The following MUC13 variants were observed in gnomAD, a reference collection of about 807,000 sequenced individuals.
MUC13 encodes mucin 13, cell surface associated.
Under a neutral mutation model 48.3 loss-of-function variants are expected in MUC13, and 32 were observed. The observed-to-expected ratio is 0.66, with a 90% CI of 0.50 to 0.89. The LOEUF is 0.89. Ranked by LOEUF, MUC13 falls within the 40% of genes least tolerant of loss-of-function variation. The pLI, the probability that MUC13 is intolerant of heterozygous loss-of-function variation, is 0.00. For synonymous variants in MUC13, 199 were observed against 224.9 expected (o/e 0.88, Z 1.03); for missense variants, 571 against 622.8 (o/e 0.92, Z 0.88).
At chr3:124,912,649 T>C (rs1935442003) in intron 8 of MUC13, among the ~76,000 whole-genome samples, 2 of 152,246 alleles carry the variant, frequency 1.3e-5, no homozygotes, top group Middle Eastern at 3.4e-3. Context: ...TCAAAAACTA[T>C]TGATGATGCT....
At chr3:124,933,502 G>T (rs1180509732) in intron 1 of MUC13, among the ~76,000 whole-genome samples, 1 of 152,074 alleles carries the variant, frequency 6.6e-6, no homozygotes, top group Non-Finnish European at 1.5e-5. Context: ...CCTTCATCAA[G>T]ATAAGGACTG....
chr3:124,931,833 A>G (rs1033543112), intron 1 of MUC13, among the ~76,000 whole-genome samples: 1 of 151,780 alleles, frequency 6.6e-6, no homozygotes, highest in African/African-American at 2.4e-5. Context: ...TCATGAGGTC[A>G]GGAGTTCGAG....
At chr3:124,916,777 A>T (rs1037386108) in intron 5 of MUC13, among the ~76,000 whole-genome samples, 4 of 152,210 alleles carry the variant, frequency 2.6e-5, no homozygotes, top group Non-Finnish European at 4.4e-5. Context: ...CATTTTAAGG[A>T]TCTAGGAGCC....
At chr3:124,925,741 G>C (rs12495703) in intron 2 of MUC13, among the ~76,000 whole-genome samples, 18,672 of 152,130 alleles carry the variant, frequency 0.12, 1,404 homozygotes, top group South Asian at 0.19. Context: ...AGCCTCCTGA[G>C]TAGCTGAGAC....
chr3:124,926,194 C>A (rs1935684515), intron 2 of MUC13, among the ~76,000 whole-genome samples: 2 of 152,174 alleles, frequency 1.3e-5, no homozygotes, highest in Non-Finnish European at 2.9e-5. Flanking sequence ...TAACTTGTTT[C>A]ATGGCCAGGA....
intron 6 of MUC13, among the ~76,000 whole-genome samples, chr3:124,915,317 C>T (rs558310843): frequency 2.4e-4 from 36 of 152,274 alleles, no homozygotes; most frequent in African/African-American, 8.4e-4. Flanking sequence ...CTTGGTAATG[C>T]GAATTGCTTT....
At chr3:124,934,073 G>A (rs180737300) in intron 1 of MUC13, among the ~76,000 whole-genome samples, 45 of 152,276 alleles carry the variant, frequency 3.0e-4, no homozygotes, top group African/African-American at 1.1e-3. Flanking sequence ...AGAGAACTGG[G>A]TCCTTGCAAC....
chr3:124,908,071 A>G (rs1348572982), intron 11 of MUC13, 76 bp downstream of exon 11: 1 of 1,417,038 alleles, frequency 7.1e-7, no homozygotes, highest in Non-Finnish European at 9.7e-7. Context: ...CAAGGATTGA[A>G]GATTCAGCAA....
At chr3:124,926,599 C>T (rs561736813) in intron 2 of MUC13, among the ~76,000 whole-genome samples, 1 of 152,274 alleles carries the variant, frequency 6.6e-6, no homozygotes, top group Admixed American at 6.5e-5. Context: ...AGGGAGACAT[C>T]CACTTGATCT....
intron 8 of MUC13, among the ~76,000 whole-genome samples, chr3:124,912,743 C>T (rs1478995298): frequency 6.6e-6 from 1 of 151,990 alleles, no homozygotes; most frequent in African/African-American, 2.4e-5. Flanking sequence ...CAAGACCAGC[C>T]TGGCCAAGAT....
chr3:124,909,153 CAA>C (rs111883732), intron 10 of MUC13, among the ~76,000 whole-genome samples: 1 of 137,412 alleles, frequency 7.3e-6, no homozygotes, highest in Admixed American at 7.3e-5. Context: ...GACTCTGTCT[CAA>C]AAAAAAAAAG....
chr3:124,908,768 A>G (rs1275613370), intron 10 of MUC13, among the ~76,000 whole-genome samples: 1 of 152,260 alleles, frequency 6.6e-6, no homozygotes, highest in East Asian at 1.9e-4. Flanking sequence ...TGCTCATAAT[A>G]TTAGAAAATA....
At chr3:124,920,969 C>T (rs796638647) in intron 4 of MUC13, among the ~76,000 whole-genome samples, 5 of 152,346 alleles carry the variant, frequency 3.3e-5, no homozygotes, top group Non-Finnish European at 7.3e-5. Flanking sequence ...CCTATCCTAG[C>T]GTTGTCACGT....
intron 3 of MUC13, 136 bp downstream of exon 3, chr3:124,923,391 T>G: frequency 1.1e-6 from 1 of 876,742 alleles, no homozygotes; most frequent in Non-Finnish European, 1.7e-6. Context: ...TTTCTCTACT[T>G]TGCTGGCCTT....
intron 3 of MUC13, among the ~76,000 whole-genome samples, chr3:124,923,102 G>GAA (rs60674640): frequency 0.72 from 101,226 of 141,488 alleles, 36,830 homozygotes; most frequent in East Asian, 0.81. Context: ...TCATAAAACA[G>GAA]AAAAAAAAAA....
Position 124,927,386 on chromosome 3 carries a change from C to T in MUC13, c.514+146G>A, listed in dbSNP as rs191720906. 3.4e-3 allele frequency: 2,408 copies of T among 716,026 alleles called. 49 individuals carry two copies. The African/African-American group carries it at 0.038, about 11-fold the overall frequency. 44.4% of individuals were successfully genotyped at this position (716,026 alleles called of 1,614,324 possible). On this transcript the variant is annotated intron_variant, in intron 2 of 11. Transcript: ENST00000616727. Reference sequence around the variant, plus strand: ...GGCCTCTGCTGTCACTACATTGTGACACAGATTTCAAGCCCACAGTTCATT... The same window carrying T: ...GGCCTCTGCTGTCACTACATTGTGATACAGATTTCAAGCCCACAGTTCATT...
In MUC13 at chr3:124,913,174, C is replaced by G; in HGVS notation, c.1151G>C (p.Gly384Ala). 1.2e-6 allele frequency: 2 copies of G among 1,614,132 alleles called. No homozygotes were observed. Among genetic ancestry groups the G allele is most frequent in the South Asian group, 1.1e-5 (1 of 91,068 alleles). ...CACGCACGCACACTCAGGGGCCCCA[C>G]CACTCTTCTTTATTAAGCATTGCTT... The part of the protein sequence containing the change: ...QHKQCLIKKS[G>A]GAPECACVPG... The change falls in exon 8 of 12, where the codon GGT (glycine) becomes GCT (alanine). Residue 384 changes from glycine to alanine, a missense_variant. Coordinates refer to ENST00000616727, the MANE Select transcript of MUC13 (RefSeq NM_033049.4).
intron 9 of MUC13, 143 bp from the exon 10 acceptor site, chr3:124,910,642 T>C: frequency 7.5e-7 from 1 of 1,328,868 alleles, no homozygotes; most frequent in South Asian, 1.5e-5. Context: ...GGTTGGGTAG[T>C]TGGCCTATTT....
In MUC13 at chr3:124,916,447, A is replaced by G. The variant is rs1043088683; in HGVS notation, c.834T>C (p.Ala278=). The change falls in exon 6 of 12, where the codon GCT becomes GCC. Residue 278 remains alanine, a synonymous_variant. Transcript: ENST00000616727. ...TSLSPRSEMR[A]DDKFVNVTIV... ...TTGTTACATTAACAAACTTGTCATC[A>G]GCACGCATTTCAGATCTTGGTGACA... 1 of 1,613,358 alleles carries G rather than the reference A, an allele frequency of 6.2e-7. No individual in the cohort carries two copies.
Sources: allele counts gnomAD v4.1 joint callset (sites outside exome capture counted in the v4.1 genomes callset), GRCh38; gene constraint gnomAD v4.1.1; transcripts MANE v1.5; gene names NCBI Gene and HGNC (gene_info 2026-07-23, HGNC 2026-07-21).